The following HEG1 variants were observed in gnomAD, a reference collection of about 807,000 sequenced individuals.
HEG1 encodes the protein protein HEG homolog 1.
HEG1 carries 56 observed loss-of-function variants against 125.6 expected under a neutral mutation model. That is an observed-to-expected ratio of 0.45 (90% CI 0.36 to 0.56). The LOEUF is 0.56. Among genes scored for constraint, HEG1 ranks in the 20% least tolerant of loss-of-function variants. HEG1 has a pLI of 0.00. For missense variants in HEG1, 1,523 were observed against 1,670.0 expected, an observed-to-expected ratio of 0.91 and a Z score of 1.53; for synonymous variants, 644 against 668.5, an observed-to-expected ratio of 0.96 and a Z score of 0.57.
intron 2 of HEG1, 80 bp downstream of exon 2, chr3:125,029,115 G>A: frequency 2.1e-6 from 3 of 1,449,318 alleles, no homozygotes; most frequent in South Asian, 1.4e-5. Context: ...CTCAGAATGG[G>A]GTTGTGGGGA....
intron 5 of HEG1, chr3:125,014,857 T>C: frequency 7.8e-7 from 1 of 1,289,780 alleles, no homozygotes; most frequent in Non-Finnish European, 1.0e-6. Flanking sequence ...CTCATGCTGG[T>C]GTTGGTGAGG....
chr3:125,050,860 G>A (rs921976951), intron 1 of HEG1, among the ~76,000 whole-genome samples: 1 of 152,208 alleles, frequency 6.6e-6, no homozygotes, highest in Non-Finnish European at 1.5e-5. Flanking sequence ...GAAAAAACAG[G>A]ATAGAAATGT....
chr3:125,023,860 A>G (rs988160430), intron 3 of HEG1, among the ~76,000 whole-genome samples: 6 of 152,228 alleles, frequency 3.9e-5, no homozygotes, highest in Admixed American at 3.9e-4. Flanking sequence ...CTAAAAGTAC[A>G]TGGGTCTCTC....
chr3:125,012,712 G>C lies in HEG1; in HGVS notation c.2867C>G (p.Ser956Cys). ...TSPSPQTTVV[S>C]TAEDLAPKSA... ...TTTGGGAGCCAAGTCTTCAGCCGTG[G>C]AAACAACTGTGGTTTGGGGAGAAGG... Residue 956 changes from serine (S) to cysteine (C), a missense_variant, in exon 6 of 17, where the codon TCC (serine) becomes TGC (cysteine). Physicochemically the swap from Ser to Cys is moderately radical, Grantham distance 112. Transcript: ENST00000311127. 6.2e-7 allele frequency: 1 copy of C among 1,614,002 alleles called. No individual in the cohort carries two copies. The highest frequency in any genetic ancestry group is 1.3e-5 in the African/African-American group (1 of 75,060).
intron 1 of HEG1, among the ~76,000 whole-genome samples, chr3:125,034,934 A>G (rs934749746): frequency 3.9e-5 from 6 of 152,216 alleles, no homozygotes; most frequent in African/African-American, 1.4e-4. Context: ...GGAGTTTAGG[A>G]GGAGAAAACA....
At chr3:124,992,033 A>C (rs577118518) in intron 12 of HEG1, among the ~76,000 whole-genome samples, 2 of 152,300 alleles carry the variant, frequency 1.3e-5, no homozygotes, top group East Asian at 3.9e-4. Context: ...AATGTAAATC[A>C]AACCTTTAAC....
At chr3:124,979,644 G>A (rs938482921) in intron 14 of HEG1, among the ~76,000 whole-genome samples, 1 of 152,086 alleles carries the variant, frequency 6.6e-6, no homozygotes, top group African/African-American at 2.4e-5. Flanking sequence ...ACCAGTAGCC[G>A]GATTCTCGAT....
intron 9 of HEG1, among the ~76,000 whole-genome samples, chr3:125,004,314 A>G (rs549087305): frequency 5.3e-4 from 80 of 152,356 alleles, no homozygotes; most frequent in African/African-American, 1.8e-3. Flanking sequence ...ATTCATCTCT[A>G]AAGTTTTTTA....
chr3:124,983,363 G>T (rs1053460815), intron 14 of HEG1, among the ~76,000 whole-genome samples: 2 of 151,692 alleles, frequency 1.3e-5, no homozygotes, highest in Non-Finnish European at 2.9e-5. Context: ...TTGAGACAGG[G>T]TCTTGCTCTG....
At chr3:124,978,842 TAAAA>T (rs1553775507) in intron 14 of HEG1, among the ~76,000 whole-genome samples, 1 of 151,022 alleles carries the variant, frequency 6.6e-6, no homozygotes, top group African/African-American at 2.4e-5. Flanking sequence ...AATAAATAAA[TAAAA>T]AAGTAATGGA....
At chr3:125,032,473 G>C (rs182440316) in intron 1 of HEG1, among the ~76,000 whole-genome samples, 1 of 152,308 alleles carries the variant, frequency 6.6e-6, no homozygotes, top group African/African-American at 2.4e-5. Context: ...GTTCCAGACA[G>C]GCAAGACCCA....
At chr3:125,015,600 G>A (rs1937233380) in intron 5 of HEG1, among the ~76,000 whole-genome samples, 1 of 152,186 alleles carries the variant, frequency 6.6e-6, no homozygotes, top group South Asian at 2.1e-4. Context: ...GGGGATGGAA[G>A]AGGGCAGACG....
intron 15 of HEG1, among the ~76,000 whole-genome samples, chr3:124,976,208 G>C (rs1406047848): frequency 1.3e-5 from 2 of 152,080 alleles, no homozygotes; most frequent in African/African-American, 4.8e-5. Flanking sequence ...TTTTGTTTGA[G>C]ACGGAGTCTG....
Position 125,019,562 on chromosome 3 carries a change from C to T in HEG1, c.1288G>A (p.Val430Met), listed in dbSNP as rs1937305586. The change falls in exon 5 of 17, where the codon GTG becomes ATG. Residue 430 changes from valine to methionine, a missense_variant. Val to Met is a conservative substitution (Grantham distance 21). Transcript: ENST00000311127. ...GEHQLASSSE[V>M]QNGSPMSQTE... The stretch of plus-strand genomic sequence containing the variant: ...TGAGACATGGGACTTCCATTTTGCA[C>T]CTCAGAGCTGCTGGCAAGCTGATGT... 1 of 1,607,354 alleles carries T rather than the reference C, an allele frequency of 6.2e-7. No homozygotes were observed. The highest frequency in any genetic ancestry group is 8.5e-7 in the Non-Finnish European group (1 of 1,174,256).
intron 12 of HEG1, among the ~76,000 whole-genome samples, chr3:124,996,135 G>A (rs1289215418): frequency 6.6e-6 from 1 of 151,690 alleles, no homozygotes; most frequent in African/African-American, 2.4e-5. Flanking sequence ...AGGCTGCAGT[G>A]GTGCAATGGT....
intron 5 of HEG1, among the ~76,000 whole-genome samples, chr3:125,016,627 T>C (rs12107292): frequency 0.5 from 76,786 of 152,068 alleles, 19,692 homozygotes; most frequent in Middle Eastern, 0.65. Context: ...ATCCCCCGCT[T>C]GTGTGTGTGG....
intron 3 of HEG1, among the ~76,000 whole-genome samples, chr3:125,022,396 C>CGAGAGA (rs10565452): frequency 0.086 from 12,285 of 142,500 alleles, 638 homozygotes; most frequent in Middle Eastern, 0.15. Flanking sequence ...ATCACTACAG[C>CGAGAGA]GAGAGAGAGA....
chr3:125,009,938 A>G, intron 7 of HEG1, 114 bp from the exon 8 acceptor site: 2 of 1,091,348 alleles, frequency 1.8e-6, no homozygotes, highest in South Asian at 4.0e-5. Context: ...GTGAGACCCC[A>G]AAGGATAAGT....
intron 3 of HEG1, among the ~76,000 whole-genome samples, chr3:125,022,435 G>A (rs1028204523): frequency 7.1e-6 from 1 of 141,304 alleles, no homozygotes; most frequent in South Asian, 2.3e-4. Context: ...GCATGCATGG[G>A]AAACAAAAAG....
Sources: allele counts gnomAD v4.1 joint callset (sites outside exome capture counted in the v4.1 genomes callset), GRCh38; gene constraint gnomAD v4.1.1; transcripts MANE v1.5; gene names NCBI Gene and HGNC (gene_info 2026-07-23, HGNC 2026-07-21).